NCAM2: variants seen among roughly 807,000 people sequenced by gnomAD.
NCAM2 encodes neural cell adhesion molecule 2.
NCAM2 carries 30 observed loss-of-function variants against 98.1 expected under a neutral mutation model. The ratio of observed to expected loss-of-function variants is 0.31; its 90% CI spans 0.23 to 0.41. NCAM2 has a LOEUF of 0.41. Among genes scored for constraint, NCAM2 ranks in the 10% least tolerant of loss-of-function variants. NCAM2 has a pLI of 1.00. For missense variants in NCAM2, 867 were observed against 1,005.8 expected (o/e 0.86, Z 1.87); for synonymous variants, 368 against 342.4 (o/e 1.07, Z -0.83).
rs556205731 is a variant in NCAM2 at position 21,411,037 on chromosome 21, C to CAT, written c.1383+585_1383+586dup. Among the ~76,000 whole-genome samples the CAT allele has an allele frequency of 5.3e-3, 280 of 53,302 alleles. 13 individuals are homozygous for CAT. Among genetic ancestry groups the CAT allele is most frequent in the African/African-American group, 0.021 (261 of 12,570 alleles). 35.0% of individuals were successfully genotyped at this position (53,302 alleles called of 152,430 possible). On this transcript the variant is annotated intron_variant, in intron 10 of 17. Transcript: ENST00000400546. The stretch of plus-strand genomic sequence containing the variant: ...AAAAATATATATATATATATACACA[C>CAT]ATATATATATGTGTGTGTATATATA...
At chr21:21,457,229 CT>C (rs1382538890) in intron 12 of NCAM2, among the ~76,000 whole-genome samples, 4 of 152,150 alleles carry the variant, frequency 2.6e-5, no homozygotes, top group African/African-American at 9.7e-5. Context: ...TTTGTGAATA[CT>C]TCTTTGTGAA....
chr21:21,238,497 A>G (rs1427999548), intron 1 of NCAM2, among the ~76,000 whole-genome samples: 2 of 152,180 alleles, frequency 1.3e-5, no homozygotes, highest in Non-Finnish European at 2.9e-5. Context: ...ATTATTACAT[A>G]TACAACTCAG....
At chr21:21,319,859 T>A (rs1017108731) in intron 5 of NCAM2, among the ~76,000 whole-genome samples, 1 of 152,202 alleles carries the variant, frequency 6.6e-6, no homozygotes, top group Non-Finnish European at 1.5e-5. Context: ...AATTTTTCAT[T>A]GTTTTTGTAC....
chr21:21,418,080 GCAAACTATAGATACATATAT>G (rs1347838008), intron 10 of NCAM2, among the ~76,000 whole-genome samples: 12 of 150,134 alleles, frequency 8.0e-5, no homozygotes, highest in African/African-American at 2.7e-4. Context: ...TACATTGATT[GCAAACTATAGATACATATAT>G]ATATACATGT....
At chr21:21,294,654 G>A (rs534558953) in intron 5 of NCAM2, among the ~76,000 whole-genome samples, 37 of 151,784 alleles carry the variant, frequency 2.4e-4, no homozygotes, top group East Asian at 7.8e-4. Context: ...ATTGATTTCC[G>A]TCTGGAGGAT....
intron 1 of NCAM2, among the ~76,000 whole-genome samples, chr21:21,267,936 T>C (rs1479834675): frequency 1.3e-5 from 2 of 152,122 alleles, no homozygotes; most frequent in Non-Finnish European, 2.9e-5. Context: ...TCCTGAGATA[T>C]CACCTGTATA....
At chr21:21,208,182 A>T (rs1024300141) in intron 1 of NCAM2, among the ~76,000 whole-genome samples, 1 of 152,216 alleles carries the variant, frequency 6.6e-6, no homozygotes, top group African/African-American at 2.4e-5. Context: ...TTGAAAATAT[A>T]CCAAGCTATA....
intron 1 of NCAM2, among the ~76,000 whole-genome samples, chr21:21,206,188 T>G (rs536489371): frequency 2.2e-4 from 34 of 152,276 alleles, no homozygotes; most frequent in Admixed American, 1.0e-3. Flanking sequence ...ATGGTTAACT[T>G]GGATTTTGTT....
At chr21:21,418,783 T>A (rs923078616) in intron 11 of NCAM2, among the ~76,000 whole-genome samples, 1 of 152,080 alleles carries the variant, frequency 6.6e-6, no homozygotes, top group African/African-American at 2.4e-5. Flanking sequence ...CTACAGTTGA[T>A]TACAAAGAAT....
chr21:21,182,440 A>T (rs997691331), intron 1 of NCAM2, among the ~76,000 whole-genome samples: 5 of 152,124 alleles, frequency 3.3e-5, no homozygotes, highest in African/African-American at 4.8e-5. Context: ...AATCCAGAAT[A>T]TGTGTTTTCA....
intron 1 of NCAM2, among the ~76,000 whole-genome samples, chr21:21,119,110 G>C (rs1174552728): frequency 6.6e-6 from 1 of 151,972 alleles, no homozygotes; most frequent in Non-Finnish European, 1.5e-5. Context: ...TTTCATTTGG[G>C]AGATCATGAT....
At chr21:21,256,821 A>C in intron 1 of NCAM2, among the ~76,000 whole-genome samples, 1 of 152,198 alleles carries the variant, frequency 6.6e-6, no homozygotes, top group East Asian at 1.9e-4. Flanking sequence ...ATCCAGAGGA[A>C]GTTTCATATA....
intron 9 of NCAM2, among the ~76,000 whole-genome samples, chr21:21,392,203 T>C (rs929974126): frequency 2.0e-5 from 3 of 152,224 alleles, no homozygotes; most frequent in Admixed American, 1.3e-4. Context: ...CATGCAATAA[T>C]TGGTTGTCTG....
intron 9 of NCAM2, among the ~76,000 whole-genome samples, chr21:21,402,136 C>G (rs1246566371): frequency 2.0e-5 from 3 of 152,100 alleles, no homozygotes; most frequent in Admixed American, 2.0e-4. Flanking sequence ...TTTTAGGGAA[C>G]AAGGGAAGAC....
rs1602547573 is a variant in NCAM2 at position 21,519,590 on chromosome 21, C to T, written c.2282+10535C>T. ...GTTATTTGTTAATTTGTCCACCACA[C>T]CTCTGTTTTTAAAACCTGCTGAGTT... On this transcript the variant is annotated intron_variant, in intron 16 of 17. Coordinates refer to ENST00000400546, the MANE Select transcript of NCAM2 (RefSeq NM_004540.5). Among the ~76,000 whole-genome samples the T allele has an allele frequency of 2.0e-5, 3 of 150,428 alleles. No individual in the cohort carries two copies. The East Asian group carries it at 5.9e-4, about 29-fold the overall frequency.
At chr21:21,332,905 G>A (rs1305149864) in intron 6 of NCAM2, among the ~76,000 whole-genome samples, 1 of 152,152 alleles carries the variant, frequency 6.6e-6, no homozygotes, top group Admixed American at 6.5e-5. Flanking sequence ...TTTAAATTGG[G>A]AGCATATAGT....
intron 1 of NCAM2, among the ~76,000 whole-genome samples, chr21:21,018,130 A>T (rs566368795): frequency 6.6e-6 from 1 of 152,204 alleles, no homozygotes; most frequent in African/African-American, 2.4e-5. Flanking sequence ...ACTGAAGACT[A>T]ATTAGCCAGT....
chr21:21,111,207 T>C lies in NCAM2; in HGVS notation c.55+112589T>C, dbSNP rs1207023721. Among the ~76,000 whole-genome samples, 3 of 152,188 alleles carry C rather than the reference T, an allele frequency of 2.0e-5. No individual in the cohort carries two copies. The East Asian group carries it at 5.8e-4, about 29-fold the overall frequency. ...TAAGAAACTCCAATTCAATAATAAATCACAGTAGCCATATTGTAACAAGTT... is the reference window on the plus strand; with the variant it reads ...TAAGAAACTCCAATTCAATAATAAACCACAGTAGCCATATTGTAACAAGTT... On this transcript the variant is annotated intron_variant, in intron 1 of 17. Coordinates refer to ENST00000400546, the MANE Select transcript of NCAM2 (RefSeq NM_004540.5).
chr21:21,520,908 T>C (rs1404799896), intron 16 of NCAM2, among the ~76,000 whole-genome samples: 1 of 152,180 alleles, frequency 6.6e-6, no homozygotes, highest in Non-Finnish European at 1.5e-5. Context: ...GGTCCTATAC[T>C]TCTGAGAATT....
Sources: allele counts gnomAD v4.1 joint callset (sites outside exome capture counted in the v4.1 genomes callset), GRCh38; gene constraint gnomAD v4.1.1; transcripts MANE v1.5; gene names NCBI Gene and HGNC (gene_info 2026-07-23, HGNC 2026-07-21).